Variants in WDR72 observed in about 807,000 individuals in gnomAD.
The protein encoded by WDR72 is WD repeat domain 72, also known as WD repeat-containing protein 72.
Under a neutral mutation model 124.2 loss-of-function variants are expected in WDR72, and 120 were observed. The ratio of observed to expected loss-of-function variants is 0.97; its 90% CI spans 0.83 to 1.12. The LOEUF is 1.12. WDR72 is among the 50% of genes most tolerant of loss of function. The pLI, the probability that WDR72 is intolerant of heterozygous loss-of-function variation, is 0.00. For synonymous variants in WDR72, 452 were observed against 441.7 expected (o/e 1.02, Z -0.29); for missense variants, 1,387 against 1,278.8 (o/e 1.08, Z -1.29).
intron 13 of WDR72, among the ~76,000 whole-genome samples, chr15:53,669,516 T>C (rs2015916399): frequency 6.6e-6 from 1 of 152,210 alleles, no homozygotes. Context: ...ATTCAAATTC[T>C]TTATGATAGT....
At chr15:53,567,771 C>A (rs1377913193) in intron 18 of WDR72, among the ~76,000 whole-genome samples, 3 of 151,550 alleles carry the variant, frequency 2.0e-5, no homozygotes, top group African/African-American at 7.3e-5. Context: ...TTACTAAAAT[C>A]TTCTGAAAAC....
intron 12 of WDR72, among the ~76,000 whole-genome samples, chr15:53,700,710 G>A (rs990422789): frequency 4.6e-5 from 7 of 152,090 alleles, no homozygotes; most frequent in African/African-American, 1.7e-4. Flanking sequence ...ATGCAGGGAG[G>A]ATTGGGATAC....
At chr15:53,632,717 G>A (rs1004731572) in intron 14 of WDR72, among the ~76,000 whole-genome samples, 1 of 152,250 alleles carries the variant, frequency 6.6e-6, no homozygotes, top group Non-Finnish European at 1.5e-5. Context: ...CCTTGCACCG[G>A]TGTGCCCTGG....
intron 13 of WDR72, among the ~76,000 whole-genome samples, chr15:53,670,134 G>A (rs1243974107): frequency 6.6e-6 from 1 of 151,910 alleles, no homozygotes; most frequent in South Asian, 2.1e-4. Context: ...TGTATAAAAT[G>A]CTTTCCAGTA....
chr15:53,735,195 G>T (rs944602013), intron 1 of WDR72, among the ~76,000 whole-genome samples: 2 of 152,128 alleles, frequency 1.3e-5, no homozygotes, highest in African/African-American at 4.8e-5. Flanking sequence ...GGAGGCTGAG[G>T]TGGGGAAATC....
intron 13 of WDR72, among the ~76,000 whole-genome samples, chr15:53,666,183 T>C (rs1308846197): frequency 6.6e-6 from 1 of 152,214 alleles, no homozygotes; most frequent in South Asian, 2.1e-4. Flanking sequence ...AATGTTTCTA[T>C]TGGTAACACA....
At chr15:53,715,400 T>A in intron 4 of WDR72, 33 bp from the exon 5 acceptor site, 1 of 1,612,874 alleles carries the variant, frequency 6.2e-7, no homozygotes, top group Non-Finnish European at 8.5e-7. Context: ...AAACATTTAA[T>A]TATCACTAAA....
chr15:53,530,690 GACCCTTCAATC>G (rs1164969265), intron 18 of WDR72, among the ~76,000 whole-genome samples: 4 of 151,990 alleles, frequency 2.6e-5, no homozygotes, highest in Non-Finnish European at 5.9e-5. Flanking sequence ...GAAAACAAGA[GACCCTTCAATC>G]AAAAGAGCAT....
At chr15:53,747,552 A>T (rs774905045) in intron 1 of WDR72, among the ~76,000 whole-genome samples, 1 of 152,224 alleles carries the variant, frequency 6.6e-6, no homozygotes, top group Non-Finnish European at 1.5e-5. Context: ...CCAAACACTC[A>T]TGACCTGGAA....
chr15:53,607,599 T>C (rs555117959), intron 17 of WDR72, among the ~76,000 whole-genome samples: 1 of 152,216 alleles, frequency 6.6e-6, no homozygotes, highest in African/African-American at 2.4e-5. Flanking sequence ...TCCAGGACAT[T>C]GGTTTGGGCA....
chr15:53,704,857 A>G lies in WDR72; in HGVS notation c.1348+131T>C, dbSNP rs892294662. 1.1e-5 allele frequency: 12 copies of G among 1,055,892 alleles called. 1 individual carries two copies. In the South Asian group the frequency reaches 2.0e-4, roughly 17 times the overall value. The allele number at this position is 1,055,892 out of a possible 1,614,324, so 65.4% of individuals were successfully genotyped here. A position where few individuals can be genotyped will look rare whatever the true frequency, so the allele number is the denominator to read the frequency against. On this transcript the variant is annotated intron_variant, in intron 11 of 19. Transcript: ENST00000360509. ...ACCTATATGTATGTTTTACTTTAAC[A>G]TTAAAATATGTACATATTTATCAGC...
chr15:53,639,482 A>ATATAATTTTATTTATTTATAAAAT (rs2014752761), intron 14 of WDR72, among the ~76,000 whole-genome samples: 5 of 145,836 alleles, frequency 3.4e-5, no homozygotes, highest in Non-Finnish European at 6.0e-5. Context: ...ATAAAATTTT[A>ATATAATTTTATTTATTTATAAAAT]TATAATTTTA....
At chr15:53,678,271 T>C (rs689673) in intron 13 of WDR72, among the ~76,000 whole-genome samples, 14,635 of 152,204 alleles carry the variant, frequency 0.096, 1,884 homozygotes, top group African/African-American at 0.29. Flanking sequence ...ATTCTATCTT[T>C]TACTGAAGGC....
chr15:53,638,580 CTTTTTT>C (rs3081298), intron 14 of WDR72, among the ~76,000 whole-genome samples: 24 of 125,854 alleles, frequency 1.9e-4, no homozygotes, highest in African/African-American at 5.6e-4. Flanking sequence ...TAATCACATT[CTTTTTT>C]TTTTTTTTTT....
Position 53,615,510 on chromosome 15 carries a change from T to A in WDR72, c.2696A>T (p.Asp899Val), listed in dbSNP as rs748421853. Residue 899 changes from aspartate to valine, a missense_variant, in exon 15 of 20, where the codon GAT becomes GTT. Transcript: ENST00000360509. Reference sequence around the variant, plus strand: ...TCTGCTCAACAAATAAACTATAGTATCTGACTCTCGCAAAGAATCACAATT... The same window carrying A: ...TCTGCTCAACAAATAAACTATAGTAACTGACTCTCGCAAAGAATCACAATT... The part of the protein sequence containing the change: ...ENNCDSLRES[D>V]TIVYLLSRLF... The A allele has an allele frequency of 6.2e-7, 1 of 1,612,894 alleles. No homozygotes were observed. Among genetic ancestry groups the A allele is most frequent in the South Asian group, 1.1e-5 (1 of 91,034 alleles).
chr15:53,750,481 T>G (rs1419595955), intron 1 of WDR72, among the ~76,000 whole-genome samples: 4 of 152,234 alleles, frequency 2.6e-5, no homozygotes, highest in Non-Finnish European at 4.4e-5. Context: ...AGATTAATGC[T>G]GTTTTCATGC....
intron 13 of WDR72, among the ~76,000 whole-genome samples, chr15:53,682,844 T>G (rs2140483052): frequency 6.6e-6 from 1 of 152,316 alleles, no homozygotes; most frequent in South Asian, 2.1e-4. Flanking sequence ...TCCACTCTAC[T>G]TATACCAGTT....
chr15:53,583,535 G>C (rs998237999), intron 18 of WDR72, among the ~76,000 whole-genome samples: 1 of 151,888 alleles, frequency 6.6e-6, no homozygotes, highest in Non-Finnish European at 1.5e-5. Flanking sequence ...TTACCACCTG[G>C]AGACCTCTTG....
intron 1 of WDR72, among the ~76,000 whole-genome samples, chr15:53,750,435 T>C (rs754491528): frequency 2.6e-5 from 4 of 152,192 alleles, no homozygotes; most frequent in Non-Finnish European, 5.9e-5. Flanking sequence ...TCATTGACAA[T>C]GCACCGAGTC....
Sources: allele counts gnomAD v4.1 joint callset (sites outside exome capture counted in the v4.1 genomes callset), GRCh38; gene constraint gnomAD v4.1.1; transcripts MANE v1.5; gene names NCBI Gene and HGNC (gene_info 2026-07-23, HGNC 2026-07-21).